The following TBC1D30 variants were observed in gnomAD, a reference collection of about 807,000 sequenced individuals.
TBC1D30 encodes TBC1 domain family member 30, also known as TBC1 domain family, member 30.
Under a neutral mutation model 63.2 loss-of-function variants are expected in TBC1D30, and 31 were observed. The observed-to-expected ratio is 0.49, with a 90% CI of 0.37 to 0.66. The LOEUF is 0.66. Ranked by LOEUF, TBC1D30 falls within the 30% of genes least tolerant of loss-of-function variation. TBC1D30 has a pLI of 0.00. For synonymous variants in TBC1D30, 307 were observed against 361.5 expected (o/e 0.85, Z 1.71); for missense variants, 810 against 953.6 (o/e 0.85, Z 1.98).
chr12:64,870,734 A>G lies in TBC1D30; in HGVS notation c.1424A>G (p.Asn475Ser), dbSNP rs530907073. The change falls in exon 11 of 12, where the codon AAT (asparagine) becomes AGT (serine). Residue 475 changes from asparagine to serine, a missense_variant. Asn to Ser is a conservative substitution (Grantham distance 46, BLOSUM62 1). This residue lies in a region of TBC1D30 where 450 missense variants were observed against 473.0 expected (regional missense o/e 0.95). Coordinates refer to ENST00000539867, the MANE Select transcript of TBC1D30 (RefSeq NM_015279.2). ...ATGGAACGCATGACCACAGATATCA[A>G]TGCACTGAAGCGGCAGTACTCTCGA... Reference protein sequence around the residue: ...MMMERMTTDINALKRQYSRIK... With the variant: ...MMMERMTTDISALKRQYSRIK... The G allele has an allele frequency of 5.2e-6, 8 of 1,536,134 alleles. No individual in the cohort carries two copies. The African/African-American group carries it at 5.5e-5, about 10-fold the overall frequency.
upstream of TBC1D30, among the ~76,000 whole-genome samples, chr12:64,820,989 G>A (rs74099686): frequency 2.0e-5 from 3 of 152,122 alleles, no homozygotes; most frequent in Non-Finnish European, 2.9e-5. Flanking sequence ...GATTTTCCTC[G>A]TAATAGATCT....
chr12:64,836,921 AT>A (rs1425585675), intron 6 of TBC1D30, among the ~76,000 whole-genome samples: 1 of 152,220 alleles, frequency 6.6e-6, no homozygotes, highest in Admixed American at 6.5e-5. Context: ...TGTACTCTGG[AT>A]GGAATACCAT....
At chr12:64,853,734 G>T (rs1877069827) in intron 8 of TBC1D30, among the ~76,000 whole-genome samples, 1 of 152,166 alleles carries the variant, frequency 6.6e-6, no homozygotes, top group South Asian at 2.1e-4. Context: ...GCTTCCCTTT[G>T]CTAGGGGAGG....
intron 1 of TBC1D30, among the ~76,000 whole-genome samples, chr12:64,760,878 G>T (rs1870482905): frequency 6.6e-6 from 1 of 151,806 alleles, no homozygotes; most frequent in African/African-American, 2.4e-5. Flanking sequence ...ACACAGAGGG[G>T]TAATGCGCGG....
intron 11 of TBC1D30, among the ~76,000 whole-genome samples, chr12:64,874,381 C>A (rs1225920134): frequency 1.3e-5 from 2 of 152,216 alleles, no homozygotes; most frequent in East Asian, 3.9e-4. Context: ...AACCACGGCA[C>A]CTAGCTGAGG....
At position 64,832,107 on chromosome 12, in the gene TBC1D30, C is replaced by A; in HGVS notation, c.409-12C>A. The A allele has an allele frequency of 6.6e-7, 1 of 1,506,212 alleles. No individual in the cohort carries two copies. The highest frequency in any genetic ancestry group is 8.9e-7 in the Non-Finnish European group (1 of 1,127,588). 93.3% of individuals were successfully genotyped at this position (1,506,212 alleles called of 1,614,324 possible). A position where few individuals can be genotyped will look rare whatever the true frequency, so the allele number is the denominator to read the frequency against. On this transcript the variant is annotated splice_polypyrimidine_tract_variant and intron_variant, in intron 4 of 11. Transcript: ENST00000539867. Reference sequence around the variant, plus strand: ...GAGTTATTTTTGAAAATATTGTTTCCCTTCCATTTAGGACCTTCACCGCAC... The same window carrying A: ...GAGTTATTTTTGAAAATATTGTTTCACTTCCATTTAGGACCTTCACCGCAC...
chr12:64,809,487 T>C (rs186028760), intron 2 of TBC1D30, among the ~76,000 whole-genome samples: 1 of 152,364 alleles, frequency 6.6e-6, no homozygotes, highest in Non-Finnish European at 1.5e-5. Flanking sequence ...GTTTATCTAC[T>C]TGTTGGTTGA....
chr12:64,866,589 C>T (rs1878236876), intron 9 of TBC1D30, among the ~76,000 whole-genome samples, 175 bp from the exon 10 acceptor site: 1 of 152,078 alleles, frequency 6.6e-6, no homozygotes. Context: ...AGGTGTGCGG[C>T]ACCACACCTG....
chr12:64,797,151 T>A (rs1872329731), intron 2 of TBC1D30, among the ~76,000 whole-genome samples: 1 of 152,146 alleles, frequency 6.6e-6, no homozygotes, highest in Admixed American at 6.5e-5. Context: ...GACATTCTGC[T>A]TTTACTGGCA....
At chr12:64,778,466 C>T (rs1871142903), upstream of TBC1D30, among the ~76,000 whole-genome samples, 1 of 146,728 alleles carries the variant, frequency 6.8e-6, no homozygotes, top group Non-Finnish European at 1.5e-5. Context: ...AAAAAAAGAA[C>T]AAGGAAGAGA....
intron 3 of TBC1D30, among the ~76,000 whole-genome samples, chr12:64,829,042 G>A (rs1005297881): frequency 6.6e-6 from 1 of 151,980 alleles, no homozygotes; most frequent in African/African-American, 2.4e-5. Flanking sequence ...GGGGCACAGT[G>A]AACAAAGGGG....
intron 1 of TBC1D30, among the ~76,000 whole-genome samples, 186 bp downstream of exon 1, chr12:64,825,219 G>A (rs978627820): frequency 6.6e-6 from 1 of 152,208 alleles, no homozygotes; most frequent in Non-Finnish European, 1.5e-5. Context: ...GCAGACGGGG[G>A]CCTGGGTGGG....
intron 2 of TBC1D30, among the ~76,000 whole-genome samples, chr12:64,816,413 T>A (rs527294670): frequency 2.0e-5 from 3 of 152,348 alleles, no homozygotes; most frequent in Middle Eastern, 3.4e-3. Flanking sequence ...CCAAAAGGAT[T>A]TCTTTGTTTA....
chr12:64,827,719 A>G, intron 1 of TBC1D30, 116 bp from the exon 2 acceptor site: 2 of 743,672 alleles, frequency 2.7e-6, no homozygotes, highest in East Asian at 2.7e-5. Context: ...TTTAGTAAAG[A>G]TACATACTTT....
chr12:64,853,180 A>G (rs998313148), intron 8 of TBC1D30, among the ~76,000 whole-genome samples: 18 of 152,152 alleles, frequency 1.2e-4, no homozygotes, highest in African/African-American at 4.1e-4. Flanking sequence ...TTTCAGAGAT[A>G]CCCTGCCCAG....
rs1879348628 is a variant in TBC1D30, at chr12:64,879,942, TG to T, written c.*4155del. The T allele has an allele frequency of 6.6e-6, 1 of 152,198 alleles. No homozygotes were observed. Among genetic ancestry groups the T allele is most frequent in the Non-Finnish European group, 1.5e-5 (1 of 68,032 alleles). 9.4% of individuals were successfully genotyped at this position (152,198 alleles called of 1,614,324 possible). On this transcript the variant is annotated 3_prime_UTR_variant, in exon 12 of 12. Coordinates refer to ENST00000539867, the MANE Select transcript of TBC1D30 (RefSeq NM_015279.2). ...ATGCAGTAAAAGCTTTATGTGCAAA[TG>T]TTCATTGAAGTATTAAATGTACTAA...
chr12:64,817,824 A>G (rs1036881608), intron 2 of TBC1D30, among the ~76,000 whole-genome samples: 3 of 152,194 alleles, frequency 2.0e-5, no homozygotes, highest in Non-Finnish European at 4.4e-5. Flanking sequence ...GCACTTTGGG[A>G]GGCCAAGGCA....
intron 5 of TBC1D30, among the ~76,000 whole-genome samples, chr12:64,835,440 G>A (rs1462659961): frequency 6.6e-6 from 1 of 152,130 alleles, no homozygotes; most frequent in Non-Finnish European, 1.5e-5. Context: ...GTGTCAAAAT[G>A]TGAGATAGCT....
chr12:64,782,673 A>G (rs1871353265), intron 1 of TBC1D30, among the ~76,000 whole-genome samples: 1 of 152,260 alleles, frequency 6.6e-6, no homozygotes, highest in Non-Finnish European at 1.5e-5. Flanking sequence ...AAATTGGCAG[A>G]CTAAAGTTTA....
Sources: gnomAD v4.1 joint callset for allele counts (sites outside exome capture counted in the v4.1 genomes callset) on GRCh38, gnomAD v4.1.1 for gene constraint, gnomAD v4.1.1 regional missense constraint, MANE v1.5 for transcripts, NCBI Gene and HGNC (gene_info 2026-07-23, HGNC 2026-07-21) for gene names.